The following FGFR1OP2 variants were observed in gnomAD, a reference collection of about 807,000 sequenced individuals.
FGFR1OP2 encodes fibroblast growth factor receptor 1 oncogene partner 2.
In FGFR1OP2, 17 loss-of-function variants were observed where a neutral mutation model predicts 35.2. The observed-to-expected ratio is 0.48, with a 90% CI of 0.33 to 0.73. The LOEUF (loss-of-function observed/expected upper bound fraction) is 0.73. Ranked by LOEUF, FGFR1OP2 falls within the 30% of genes least tolerant of loss-of-function variation. FGFR1OP2 has a pLI of 0.02. For missense variants in FGFR1OP2, 251 were observed against 307.3 expected (o/e 0.82, Z 1.37); for synonymous variants, 105 against 104.6 (o/e 1.00, Z -0.03).
chr12:26,956,561 G>T lies in FGFR1OP2; in HGVS notation c.154G>T (p.Glu52Ter), dbSNP rs778540218. ...AMKQYQEEIQ[E>*]LNEVARHRPR... ...CCATTAGTATCAGGAAGAAATTCAAGAACTTAATGAAGTCGCGAGACATCG... is the reference window on the plus strand; with the variant it reads ...CCATTAGTATCAGGAAGAAATTCAATAACTTAATGAAGTCGCGAGACATCG... The change falls in exon 3 of 7, where the codon GAA becomes TAA. Residue 52 changes from glutamate to a stop codon, truncating the protein, a stop_gained. Transcript: ENST00000229395. LOFTEE classifies it high-confidence loss of function. The T allele has an allele frequency of 2.6e-6, 4 of 1,563,380 alleles. No individual in the cohort carries two copies. The highest frequency in any genetic ancestry group is 3.5e-6 in the Non-Finnish European group (4 of 1,153,890).
intron 1 of FGFR1OP2, 97 bp from the exon 2 acceptor site, chr12:26,954,048 C>T (rs1938980033): frequency 3.3e-6 from 3 of 904,386 alleles, no homozygotes; most frequent in Middle Eastern, 3.5e-4. Context: ...AATACTGTAA[C>T]AAATGTGGCT....
intron 2 of FGFR1OP2, among the ~76,000 whole-genome samples, chr12:26,956,008 A>C (rs1399282248): frequency 6.6e-6 from 1 of 151,656 alleles, no homozygotes; most frequent in Non-Finnish European, 1.5e-5. Context: ...CTTTCTTAAA[A>C]CATTATGAGA....
chr12:26,959,329 T>A (rs896502603), intron 4 of FGFR1OP2, among the ~76,000 whole-genome samples: 1 of 152,116 alleles, frequency 6.6e-6, no homozygotes, highest in African/African-American at 2.4e-5. Flanking sequence ...AATTTAAAGG[T>A]ATAATAATAA....
At chr12:26,963,537 T>C in intron 6 of FGFR1OP2, 82 bp downstream of exon 6, 1 of 876,788 alleles carries the variant, frequency 1.1e-6, no homozygotes, top group Non-Finnish European at 1.7e-6. Context: ...TTTAAATATA[T>C]ATTTACTCTT....
intron 1 of FGFR1OP2, among the ~76,000 whole-genome samples, chr12:26,942,730 T>C (rs1938756476): frequency 6.6e-6 from 1 of 152,248 alleles, no homozygotes; most frequent in Non-Finnish European, 1.5e-5. Context: ...GAACATCTTT[T>C]CATGTTTCTT....
intron 1 of FGFR1OP2, among the ~76,000 whole-genome samples, chr12:26,945,521 T>C (rs1027027862): frequency 2.0e-5 from 3 of 152,240 alleles, no homozygotes; most frequent in Admixed American, 2.0e-4. Context: ...TTTCTTGTTA[T>C]CTCTTAATTA....
chr12:26,944,577 G>A (rs1430334488), intron 1 of FGFR1OP2, among the ~76,000 whole-genome samples: 4 of 152,120 alleles, frequency 2.6e-5, no homozygotes, highest in Non-Finnish European at 5.9e-5. Context: ...ATTGGTCAGG[G>A]TATATTACTC....
At chr12:26,954,029 A>G in intron 1 of FGFR1OP2, 116 bp from the exon 2 acceptor site, 1 of 710,248 alleles carries the variant, frequency 1.4e-6, no homozygotes, top group Non-Finnish European at 2.2e-6. Context: ...TCCTCCCTGG[A>G]CAGTGAACAA....
intron 1 of FGFR1OP2, among the ~76,000 whole-genome samples, chr12:26,948,526 CTA>C (rs1938865110): frequency 6.6e-6 from 1 of 152,288 alleles, no homozygotes; most frequent in African/African-American, 2.4e-5. Context: ...AAATTGTTCT[CTA>C]TGAGTAATAT....
In FGFR1OP2 at chr12:26,965,939, G is replaced by A. The variant is rs1215763406; in HGVS notation, c.*1206G>A. The A allele has an allele frequency of 6.6e-6, 1 of 151,906 alleles. No homozygotes were observed. The highest frequency in any genetic ancestry group is 1.5e-5 in the Non-Finnish European group (1 of 67,944). The allele number at this position is 151,906 out of a possible 1,614,324, so 9.4% of individuals were successfully genotyped here. The stretch of plus-strand genomic sequence containing the variant: ...GTGATTGTATTAAAAAGGGATAAAA[G>A]AAGAGTGTCAAACATGGTTAAATAT... On this transcript the variant is annotated 3_prime_UTR_variant, in exon 7 of 7. Transcript: ENST00000229395.
At chr12:26,941,642 A>G (rs1400668272) in intron 1 of FGFR1OP2, among the ~76,000 whole-genome samples, 2 of 152,234 alleles carry the variant, frequency 1.3e-5, no homozygotes, top group Non-Finnish European at 2.9e-5. Flanking sequence ...TACAACTTTA[A>G]AAAGCCAATC....
At chr12:26,960,139 G>C (rs1939081968) in intron 4 of FGFR1OP2, among the ~76,000 whole-genome samples, 1 of 152,070 alleles carries the variant, frequency 6.6e-6, no homozygotes, top group Non-Finnish European at 1.5e-5. Context: ...TGGTATTGTA[G>C]GGTGTGTTTA....
At chr12:26,950,625 A>T (rs1487608366) in intron 1 of FGFR1OP2, among the ~76,000 whole-genome samples, 1 of 152,298 alleles carries the variant, frequency 6.6e-6, no homozygotes, top group Non-Finnish European at 1.5e-5. Flanking sequence ...ATTCATGTAT[A>T]TATTTACTTT....
intron 1 of FGFR1OP2, among the ~76,000 whole-genome samples, chr12:26,939,335 A>G (rs1416537503): frequency 8.6e-5 from 13 of 151,432 alleles, no homozygotes; most frequent in African/African-American, 9.7e-5. Flanking sequence ...TCTGAAATAC[A>G]TATTTATCTC....
In FGFR1OP2 at chr12:26,954,189, G is replaced by A. The variant is rs140186991; in HGVS notation, c.31G>A (p.Asp11Asn). 211 of 1,606,158 alleles carry A rather than the reference G, an allele frequency of 1.3e-4. No individual in the cohort carries two copies. The highest frequency in any genetic ancestry group is 1.5e-4 in the Non-Finnish European group (182 of 1,176,092). The change falls in exon 2 of 7, where the codon GAC becomes AAC. Residue 11 changes from aspartate to asparagine, a missense_variant. Transcript: ENST00000229395. ...TTGCACAATTGAGAAGGCACTTGCC[G>A]ACGCTAAAGCTCTTGTTGAAAGATT... MSCTIEKALA[D>N]AKALVERLRD...
chr12:26,954,437 A>G, intron 2 of FGFR1OP2, 144 bp downstream of exon 2: 1 of 1,009,552 alleles, frequency 9.9e-7, no homozygotes, highest in East Asian at 2.8e-5. Flanking sequence ...GTTTACTTTA[A>G]TTTTGTCGTG....
intron 1 of FGFR1OP2, among the ~76,000 whole-genome samples, chr12:26,942,610 C>T (rs1386924751): frequency 1.3e-5 from 2 of 152,160 alleles, no homozygotes; most frequent in Non-Finnish European, 2.9e-5. Flanking sequence ...GTTTATTTTA[C>T]AGCTGTTACA....
In FGFR1OP2 at chr12:26,964,929, G is replaced by A. The variant is rs1939154688; in HGVS notation, c.*196G>A. The stretch of plus-strand genomic sequence containing the variant: ...AAAACATAATTGGAAAATAGAAACT[G>A]AGCCATTGCCAAATGGTAAAGAAAT... On this transcript the variant is annotated 3_prime_UTR_variant, in exon 7 of 7. Transcript: ENST00000229395. 1 of 495,794 alleles carries A rather than the reference G, an allele frequency of 2.0e-6. No individual in the cohort carries two copies. Among genetic ancestry groups the A allele is most frequent in the East Asian group, 3.0e-5 (1 of 32,924 alleles). 30.7% of individuals were successfully genotyped at this position (495,794 alleles called of 1,614,324 possible).
At chr12:26,944,330 C>T (rs1193936685) in intron 1 of FGFR1OP2, among the ~76,000 whole-genome samples, 1 of 152,142 alleles carries the variant, frequency 6.6e-6, no homozygotes. Flanking sequence ...GACATCCTTC[C>T]CTTGTTCCTA....
Sources: gnomAD v4.1 joint callset for allele counts (sites outside exome capture counted in the v4.1 genomes callset) on GRCh38, gnomAD v4.1.1 for gene constraint, MANE v1.5 for transcripts, NCBI Gene and HGNC (gene_info 2026-07-23, HGNC 2026-07-21) for gene names.